The following PCED1B variants were observed in gnomAD, a reference collection of about 807,000 sequenced individuals.
PCED1B encodes PC-esterase domain-containing protein 1B.
For synonymous variants in PCED1B, 251 were observed against 246.1 expected (o/e 1.02, Z -0.19); for missense variants, 573 against 573.9 (o/e 1.00, Z 0.02).
chr12:47,158,357 C>G (rs771667022), intron 2 of PCED1B, among the ~76,000 whole-genome samples: 1 of 152,116 alleles, frequency 6.6e-6, no homozygotes, highest in Non-Finnish European at 1.5e-5. Context: ...CTAATGGGTG[C>G]GAGGTGGTCT....
At chr12:47,175,341 G>A (rs1433250401) in intron 2 of PCED1B, among the ~76,000 whole-genome samples, 2 of 152,066 alleles carry the variant, frequency 1.3e-5, no homozygotes, top group African/African-American at 4.8e-5. Context: ...TTAATTTGGG[G>A]TGGCAAATTG....
In PCED1B at chr12:47,222,722, G is replaced by C. The variant is rs572428833; in HGVS notation, c.-58+6033G>C. 5.1e-3 allele frequency among the ~76,000 whole-genome samples: 772 copies of C among 152,312 alleles called. 6 individuals carry two copies. The highest frequency in any genetic ancestry group is 0.018 in the African/African-American group (735 of 41,564). The stretch of plus-strand genomic sequence containing the variant: ...ATTGATGAGGTTTCTTCAGGGCAGA[G>C]GGGTTGCTTAATAGGCCCAGGGACT... On this transcript the variant is annotated intron_variant, in intron 3 of 3. Transcript: ENST00000546455.
chr12:47,119,780 T>G (rs1218491855), intron 2 of PCED1B, among the ~76,000 whole-genome samples: 1 of 151,230 alleles, frequency 6.6e-6, no homozygotes, highest in East Asian at 2.0e-4. Context: ...GCCTGGTCAA[T>G]ATGGGAAAAC....
intron 2 of PCED1B, among the ~76,000 whole-genome samples, chr12:47,156,710 T>A (rs1158206757): frequency 6.6e-6 from 1 of 152,078 alleles, no homozygotes; most frequent in Non-Finnish European, 1.5e-5. Context: ...TAGACACACA[T>A]TCTGAGTGCT....
intron 2 of PCED1B, among the ~76,000 whole-genome samples, chr12:47,121,797 C>A (rs1176858317): frequency 1.3e-5 from 2 of 152,004 alleles, no homozygotes; most frequent in Non-Finnish European, 2.9e-5. Context: ...CTTTGGAAGG[C>A]AAGGTGGGCA....
At chr12:47,084,760 T>G (rs1460969230) in intron 1 of PCED1B, among the ~76,000 whole-genome samples, 1 of 152,210 alleles carries the variant, frequency 6.6e-6, no homozygotes, top group Admixed American at 6.5e-5. Context: ...TATAAAAGTA[T>G]TAAAACTCTG....
chr12:47,219,887 C>T (rs1469177873), intron 3 of PCED1B, among the ~76,000 whole-genome samples: 1 of 151,424 alleles, frequency 6.6e-6, no homozygotes, highest in African/African-American at 2.4e-5. Context: ...CAAAAGGAAA[C>T]CTTAAGCTTA....
intron 2 of PCED1B, among the ~76,000 whole-genome samples, chr12:47,106,968 G>T (rs563352281): frequency 6.6e-6 from 1 of 152,182 alleles, no homozygotes; most frequent in East Asian, 1.9e-4. Flanking sequence ...CTGGACAGGG[G>T]ATGCCCCAAT....
intron 3 of PCED1B, among the ~76,000 whole-genome samples, chr12:47,222,762 C>A (rs2137843924): frequency 8.8e-6 from 1 of 113,454 alleles, no homozygotes; most frequent in East Asian, 2.5e-4. Context: ...GGCTAGTAAG[C>A]AGTGGAGCAG....
intron 2 of PCED1B, among the ~76,000 whole-genome samples, chr12:47,150,323 C>T (rs958150904): frequency 6.6e-6 from 1 of 151,984 alleles, no homozygotes; most frequent in African/African-American, 2.4e-5. Context: ...AGCCTGTAAT[C>T]CCAGCACTTT....
At chr12:47,191,683 T>C (rs1942443182) in intron 2 of PCED1B, among the ~76,000 whole-genome samples, 1 of 152,200 alleles carries the variant, frequency 6.6e-6, no homozygotes, top group South Asian at 2.1e-4. Flanking sequence ...TAGATTGCCC[T>C]GGGAACCTTC....
Position 47,079,703 on chromosome 12 carries a change from G to C in PCED1B, c.-631G>C, listed in dbSNP as rs1440668906. On this transcript the variant is annotated 5_prime_UTR_variant, in exon 1 of 4. Transcript: ENST00000546455. Reference sequence around the variant, plus strand: ...CGCTGGCTCCCGGGGGCTCTCCCGGGTTCCTCTCATTGCAGGCTGAAGGTA... The same window carrying C: ...CGCTGGCTCCCGGGGGCTCTCCCGGCTTCCTCTCATTGCAGGCTGAAGGTA... 1 of 151,990 alleles carries C rather than the reference G, an allele frequency of 6.6e-6. No individual in the cohort carries two copies. Among genetic ancestry groups the C allele is most frequent in the African/African-American group, 2.4e-5 (1 of 41,394 alleles). The allele number at this position is 151,990 out of a possible 1,614,324, so 9.4% of individuals were successfully genotyped here.
intron 2 of PCED1B, among the ~76,000 whole-genome samples, chr12:47,215,225 T>C (rs1211247215): frequency 6.6e-6 from 1 of 151,658 alleles, no homozygotes; most frequent in Non-Finnish European, 1.5e-5. Flanking sequence ...CCTACACTTA[T>C]CTAATCAATC....
intron 1 of PCED1B, among the ~76,000 whole-genome samples, chr12:47,094,841 T>A (rs1025746281): frequency 6.6e-6 from 1 of 152,082 alleles, no homozygotes; most frequent in Non-Finnish European, 1.5e-5. Context: ...TGTTTTTTAT[T>A]CCTTCCTTCA....
intron 2 of PCED1B, among the ~76,000 whole-genome samples, chr12:47,193,517 A>C (rs1185342243): frequency 6.6e-6 from 1 of 152,166 alleles, no homozygotes; most frequent in Non-Finnish European, 1.5e-5. Flanking sequence ...GGATTACAAT[A>C]GTTAGGGTGT....
At chr12:47,147,959 G>A (rs1940852636) in intron 2 of PCED1B, among the ~76,000 whole-genome samples, 1 of 151,962 alleles carries the variant, frequency 6.6e-6, no homozygotes, top group East Asian at 1.9e-4. Context: ...CATTCCTTTT[G>A]TGTTGCTATA....
In PCED1B at chr12:47,079,677, T is replaced by C. The variant is rs1370037042; in HGVS notation, c.-657T>C. 1 of 151,926 alleles carries C rather than the reference T, an allele frequency of 6.6e-6. No homozygotes were observed. Among genetic ancestry groups the C allele is most frequent in the African/African-American group, 2.4e-5 (1 of 41,294 alleles). 9.4% of individuals were successfully genotyped at this position (151,926 alleles called of 1,614,324 possible). ...GCCCTGGACGCAGCAGCCAAGCTCTTCGCTGGCTCCCGGGGGCTCTCCCGG... is the reference window on the plus strand; with the variant it reads ...GCCCTGGACGCAGCAGCCAAGCTCTCCGCTGGCTCCCGGGGGCTCTCCCGG... On this transcript the variant is annotated 5_prime_UTR_variant, in exon 1 of 4. Transcript: ENST00000546455.
intron 2 of PCED1B, among the ~76,000 whole-genome samples, chr12:47,163,228 T>G (rs11833039): frequency 0.028 from 4,272 of 152,348 alleles, 73 homozygotes; most frequent in Middle Eastern, 0.078. Context: ...TCATTTTTAG[T>G]GTATAGAAAT....
intron 2 of PCED1B, among the ~76,000 whole-genome samples, chr12:47,165,295 A>G (rs908177398): frequency 1.3e-5 from 2 of 152,230 alleles, no homozygotes; most frequent in African/African-American, 4.8e-5. Context: ...ATTATTCCAC[A>G]TAGTACTGCC....
Sources: gnomAD v4.1 joint callset for allele counts (sites outside exome capture counted in the v4.1 genomes callset) on GRCh38, gnomAD v4.1.1 for gene constraint, MANE v1.5 for transcripts, NCBI Gene and HGNC (gene_info 2026-07-23, HGNC 2026-07-21) for gene names.